TRDN: variants seen among roughly 807,000 people sequenced by gnomAD.
TRDN encodes triadin in skeletal muscle.
TRDN carries 161 observed loss-of-function variants against 149.7 expected under a neutral mutation model. The ratio of observed to expected loss-of-function variants is 1.08; its 90% CI spans 0.95 to 1.23. The LOEUF (loss-of-function observed/expected upper bound fraction) is 1.23. Among genes scored for constraint, TRDN ranks in the 50% most tolerant of loss-of-function variants. TRDN has a pLI of 0.00. For missense variants in TRDN, 896 were observed against 823.5 expected (o/e 1.09, Z -1.08); for synonymous variants, 294 against 250.5 (o/e 1.17, Z -1.64).
chr6:123,249,668 A>C (rs1776307191), intron 38 of TRDN, among the ~76,000 whole-genome samples: 3 of 152,180 alleles, frequency 2.0e-5, no homozygotes, highest in Admixed American at 2.0e-4. Context: ...CATACGTGAA[A>C]TAACTGAAAC....
rs58310989 is a variant in TRDN at position 123,256,409 on chromosome 6, CCA to C, written c.1871-509_1871-508del. Among the ~76,000 whole-genome samples the C allele has an allele frequency of 2.9e-3, 441 of 152,200 alleles. 3 individuals are homozygous for C. Among genetic ancestry groups the C allele is most frequent in the African/African-American group, 9.9e-3 (411 of 41,536 alleles). On this transcript the variant is annotated intron_variant, in intron 35 of 40. Transcript: ENST00000334268. ...CTGGTTCTAGATCCTTGAGGAATCGCCACACTGTCTTCTGCAACAGTTGAACT... is the reference window on the plus strand; with the variant it reads ...CTGGTTCTAGATCCTTGAGGAATCGCCACTGTCTTCTGCAACAGTTGAACT...
chr6:123,472,486 G>C (rs565243118), intron 9 of TRDN, among the ~76,000 whole-genome samples: 2 of 152,326 alleles, frequency 1.3e-5, no homozygotes, highest in East Asian at 3.9e-4. Flanking sequence ...AAACTGTAAG[G>C]CGGCAGCAAG....
At chr6:123,480,748 T>C (rs1777712291) in intron 9 of TRDN, among the ~76,000 whole-genome samples, 1 of 152,088 alleles carries the variant, frequency 6.6e-6, no homozygotes, top group Admixed American at 6.6e-5. Flanking sequence ...TAAAATAATT[T>C]ATAAATAGAG....
At position 123,218,737 on chromosome 6, in the gene TRDN, G is replaced by C. The variant is rs1562215026; in HGVS notation, c.2054C>G (p.Pro685Arg). The C allele has an allele frequency of 6.4e-7, 1 of 1,566,674 alleles. No homozygotes were observed. The highest frequency in any genetic ancestry group is 1.4e-5 in the African/African-American group (1 of 73,974). The change falls in exon 41 of 41, where the codon CCC (proline) becomes CGC (arginine). Residue 685 changes from proline to arginine, a missense_variant. Coordinates refer to ENST00000334268, the MANE Select transcript of TRDN (RefSeq NM_006073.4). Reference protein sequence around the residue: ...EDVSPTKQKSPISFFQCVYLD... With the variant: ...EDVSPTKQKSRISFFQCVYLD... ...GTAGACACACTGGAAGAAACTGATG[G>C]GACCTAAGGAACAGAGCATGACAGT...
intron 14 of TRDN, among the ~76,000 whole-genome samples, chr6:123,383,441 G>T (rs1168768591): frequency 6.6e-6 from 1 of 151,910 alleles, no homozygotes; most frequent in Admixed American, 6.6e-5. Context: ...GAGAAAAAAA[G>T]CAATATTATC....
intron 9 of TRDN, among the ~76,000 whole-genome samples, chr6:123,474,276 A>C (rs1172589742): frequency 6.6e-6 from 1 of 152,180 alleles, no homozygotes; most frequent in Non-Finnish European, 1.5e-5. Flanking sequence ...AAACAAAAAA[A>C]GGCAGGGATT....
rs1049776910 is a variant in TRDN, at chr6:123,352,544, T to C, written c.1364A>G (p.Glu455Gly). ...CCTCCTTCATTTTTTTTTACCTTGC[T>C]CCACTGTCTTGGTTGTTTTCTCTTC... ...KKEEKTTKTV[E>G]QEIRKEKSGK... The change falls in exon 21 of 41, where the codon GAG becomes GGG. Residue 455 changes from glutamate to glycine, a missense_variant. Glu to Gly is a moderately conservative substitution (Grantham distance 98). Coordinates refer to ENST00000334268, the MANE Select transcript of TRDN (RefSeq NM_006073.4). 10 of 1,611,266 alleles carry C rather than the reference T, an allele frequency of 6.2e-6. No homozygotes were observed. Among genetic ancestry groups the C allele is most frequent in the Non-Finnish European group, 7.6e-6 (9 of 1,178,504 alleles).
chr6:123,524,234 A>G (rs1017578618), intron 5 of TRDN, among the ~76,000 whole-genome samples: 29 of 152,140 alleles, frequency 1.9e-4, no homozygotes, highest in African/African-American at 6.8e-4. Flanking sequence ...AGGTGCAGAC[A>G]TTTTCTGCAA....
intron 31 of TRDN, among the ~76,000 whole-genome samples, chr6:123,268,666 G>T (rs1475412265): frequency 1.3e-5 from 2 of 151,952 alleles, no homozygotes. Flanking sequence ...CACCAACACT[G>T]AAGTAGGTGG....
At chr6:123,403,318 G>A (rs1773058891) in intron 12 of TRDN, among the ~76,000 whole-genome samples, 1 of 152,124 alleles carries the variant, frequency 6.6e-6, no homozygotes, top group Non-Finnish European at 1.5e-5. Context: ...AGCATAGAAG[G>A]AAGCCTACCT....
chr6:123,326,188 G>A (rs889275385), intron 23 of TRDN, among the ~76,000 whole-genome samples: 2 of 151,960 alleles, frequency 1.3e-5, no homozygotes, highest in Non-Finnish European at 2.9e-5. Context: ...CCCATGCATG[G>A]CATGCCAACA....
chr6:123,423,042 A>T (rs1422818028), intron 12 of TRDN, among the ~76,000 whole-genome samples: 1 of 152,170 alleles, frequency 6.6e-6, no homozygotes, highest in Non-Finnish European at 1.5e-5. Context: ...TAACAGCGTT[A>T]TGGGTAGCTG....
At chr6:123,401,585 T>C (rs1772975145) in intron 12 of TRDN, among the ~76,000 whole-genome samples, 1 of 152,174 alleles carries the variant, frequency 6.6e-6, no homozygotes, top group Admixed American at 6.5e-5. Context: ...GAAAAAATGC[T>C]AAATAAAGTG....
intron 9 of TRDN, among the ~76,000 whole-genome samples, chr6:123,466,940 G>A (rs1250967104): frequency 1.3e-5 from 2 of 151,532 alleles, no homozygotes; most frequent in African/African-American, 4.8e-5. Flanking sequence ...AGTTATTGAG[G>A]AACTTATTAT....
chr6:123,421,019 TAAC>T (rs990423772), intron 12 of TRDN, among the ~76,000 whole-genome samples: 3 of 152,230 alleles, frequency 2.0e-5, no homozygotes, highest in African/African-American at 7.2e-5. Context: ...TTCTTTTTTC[TAAC>T]AACATTCTTC....
rs1554227291 is a variant in TRDN at position 123,352,605 on chromosome 6, G to A, written c.1322-19C>T. 1 of 1,604,792 alleles carries A rather than the reference G, an allele frequency of 6.2e-7. No homozygotes were observed. The highest frequency in any genetic ancestry group is 8.5e-7 in the Non-Finnish European group (1 of 1,175,818). On this transcript the variant is annotated intron_variant, in intron 20 of 40. Coordinates refer to ENST00000334268, the MANE Select transcript of TRDN (RefSeq NM_006073.4). ...GGTACAGCTGCAAAACAAAGATAAG[G>A]TTTAAAGAAGAGTTCCAGACAGAAA...
chr6:123,545,047 C>T (rs1213752921), intron 4 of TRDN, among the ~76,000 whole-genome samples: 1 of 151,564 alleles, frequency 6.6e-6, no homozygotes, highest in Non-Finnish European at 1.5e-5. Context: ...TAAGTGTATT[C>T]AAATAAAATG....
At chr6:123,404,681 G>C (rs1431144067) in intron 12 of TRDN, among the ~76,000 whole-genome samples, 1 of 151,996 alleles carries the variant, frequency 6.6e-6, no homozygotes, top group Non-Finnish European at 1.5e-5. Flanking sequence ...TTGACCTCAG[G>C]TGATCCACTC....
chr6:123,582,494 AG>A (rs1169891750), intron 1 of TRDN, among the ~76,000 whole-genome samples: 3 of 110,130 alleles, frequency 2.7e-5, no homozygotes, highest in Admixed American at 2.2e-4. Flanking sequence ...TAAAGGAAAA[AG>A]GGGGGTTGTT....
Sources: gnomAD v4.1 joint callset for allele counts (sites outside exome capture counted in the v4.1 genomes callset) on GRCh38, gnomAD v4.1.1 for gene constraint, MANE v1.5 for transcripts, NCBI Gene and HGNC (gene_info 2026-07-23, HGNC 2026-07-21) for gene names.